The following MAPKAP1 variants were observed in gnomAD, a reference collection of about 807,000 sequenced individuals.
The protein encoded by MAPKAP1 is MAPK associated protein 1.
A neutral mutation model predicts 65.7 loss-of-function variants in MAPKAP1; 20 were observed. The observed-to-expected ratio is 0.30, with a 90% confidence interval of 0.21 to 0.44. MAPKAP1 has a LOEUF of 0.44. Ranked by LOEUF, MAPKAP1 falls within the 20% of genes least tolerant of loss-of-function variation. The pLI is 1.00. For synonymous variants in MAPKAP1, 222 were observed against 244.3 expected, an observed-to-expected ratio of 0.91 and a Z score of 0.85; for missense variants, 423 against 648.0, an observed-to-expected ratio of 0.65 and a Z score of 3.77.
Position 125,619,908 on chromosome 9 carries a change from A to G in MAPKAP1, c.499-34181T>C, listed in dbSNP as rs142774085. On this transcript the variant is annotated intron_variant, in intron 4 of 11. Coordinates refer to ENST00000265960, the MANE Select transcript of MAPKAP1 (RefSeq NM_001006617.3). ...TTTTAAAAAAATCTTAGAAAATAAG[A>G]AAAAGTTCAAGAATCCAACACATCT... Among the ~76,000 whole-genome samples the G allele has an allele frequency of 4.1e-3, 627 of 152,334 alleles. 6 individuals are homozygous for G. The highest frequency in any genetic ancestry group is 0.014 in the African/African-American group (601 of 41,586).
At chr9:125,685,316 C>A (rs961225772) in intron 1 of MAPKAP1, among the ~76,000 whole-genome samples, 4 of 152,206 alleles carry the variant, frequency 2.6e-5, no homozygotes, top group Admixed American at 6.5e-5. Context: ...TAAGTGACAT[C>A]TGACTTAACA....
intron 1 of MAPKAP1, among the ~76,000 whole-genome samples, chr9:125,674,223 CA>C (rs965036979): frequency 6.6e-6 from 1 of 150,432 alleles, no homozygotes; most frequent in Non-Finnish European, 1.5e-5. Context: ...GTAAAATGCT[CA>C]AAAAAATACA....
At chr9:125,626,862 T>C (rs147311154) in intron 4 of MAPKAP1, among the ~76,000 whole-genome samples, 3 of 152,352 alleles carry the variant, frequency 2.0e-5, no homozygotes, top group East Asian at 1.9e-4. Flanking sequence ...CTAACATATA[T>C]AGAAGATTTA....
intron 1 of MAPKAP1, among the ~76,000 whole-genome samples, chr9:125,701,155 G>A (rs1334945547): frequency 6.6e-6 from 1 of 152,116 alleles, no homozygotes; most frequent in Non-Finnish European, 1.5e-5. Flanking sequence ...ATCCCGAAAA[G>A]AAAACCATTC....
At chr9:125,653,147 G>T (rs1269954491) in intron 4 of MAPKAP1, among the ~76,000 whole-genome samples, 1 of 152,202 alleles carries the variant, frequency 6.6e-6, no homozygotes, top group East Asian at 1.9e-4. Flanking sequence ...TTCTTTCACA[G>T]ATCAGGACTG....
chr9:125,526,005 G>T (rs575698453), intron 7 of MAPKAP1, among the ~76,000 whole-genome samples: 8 of 152,214 alleles, frequency 5.3e-5, no homozygotes, highest in Non-Finnish European at 1.2e-4. Context: ...AGACAATGGG[G>T]TGGTACTCCA....
intron 4 of MAPKAP1, among the ~76,000 whole-genome samples, chr9:125,607,264 A>G (rs566397184): frequency 6.6e-6 from 1 of 152,368 alleles, no homozygotes; most frequent in African/African-American, 2.4e-5. Context: ...GGCTGGAGAA[A>G]TAACTGAGAA....
intron 1 of MAPKAP1, among the ~76,000 whole-genome samples, chr9:125,693,562 TATATAC>T (rs1451760799): frequency 6.7e-6 from 1 of 148,290 alleles, no homozygotes; most frequent in African/African-American, 2.5e-5. Flanking sequence ...TACACACACA[TATATAC>T]ATACACACAC....
At chr9:125,462,502 G>A (rs2132978177) in intron 10 of MAPKAP1, among the ~76,000 whole-genome samples, 1 of 152,288 alleles carries the variant, frequency 6.6e-6, no homozygotes, top group African/African-American at 2.4e-5. Context: ...CTCTGAACTG[G>A]GGCTAAGGTG....
intron 11 of MAPKAP1, among the ~76,000 whole-genome samples, chr9:125,442,762 A>G (rs994463360): frequency 1.3e-5 from 2 of 152,182 alleles, no homozygotes; most frequent in Non-Finnish European, 2.9e-5. Context: ...TCATCCAGCT[A>G]ATCATGCTAC....
rs190558689 is a variant in MAPKAP1, at chr9:125,506,381, T to C, written c.995A>G (p.Asn332Ser). 3.2e-5 allele frequency: 51 copies of C among 1,614,050 alleles called. No individual in the cohort carries two copies. Among genetic ancestry groups the C allele is most frequent in the African/African-American group, 9.3e-5 (7 of 75,008 alleles). ...AGTGCTGTCCAGGTCAACGGCGACA[T>C]TGGGCTCGCTCTGCTTCTCCAGGCG... ...QYRLEKQSEP[N>S]VAVDLDSTLE... The change falls in exon 8 of 12, where the codon AAT becomes AGT. Residue 332 changes from asparagine to serine, a missense_variant. Around this residue, in one of 6 missense-constraint regions of MAPKAP1, gnomAD observed 185 missense variants for 268.1 expected, o/e 0.69. Transcript: ENST00000265960.
At chr9:125,704,110 T>C (rs1424696051) in intron 1 of MAPKAP1, among the ~76,000 whole-genome samples, 2 of 152,202 alleles carry the variant, frequency 1.3e-5, no homozygotes, top group Admixed American at 6.5e-5. Flanking sequence ...AGGGCAAGTT[T>C]CTCTCTGAAG....
chr9:125,551,578 T>C (rs981136165), intron 6 of MAPKAP1, among the ~76,000 whole-genome samples: 1 of 152,108 alleles, frequency 6.6e-6, no homozygotes, highest in Non-Finnish European at 1.5e-5. Flanking sequence ...AAAATACATA[T>C]ATATATAGGA....
intron 7 of MAPKAP1, 152 bp downstream of exon 7, chr9:125,542,907 C>CA (rs1195013453): frequency 1.3e-6 from 1 of 768,846 alleles, no homozygotes; most frequent in South Asian, 1.4e-5. Context: ...GGGCAGTGTA[C>CA]AATCACCTTT....
chr9:125,661,565 C>T (rs757259707), intron 3 of MAPKAP1, among the ~76,000 whole-genome samples: 1 of 151,998 alleles, frequency 6.6e-6, no homozygotes, highest in Non-Finnish European at 1.5e-5. Context: ...TTGTACAAAA[C>T]AGTATGTATA....
rs1192591491 is a variant in MAPKAP1, at chr9:125,525,673, C to T, written c.958+17386G>A. On this transcript the variant is annotated intron_variant, in intron 7 of 11. Transcript: ENST00000265960. Reference sequence around the variant, plus strand: ...GGGCAACAAGAGCAAAACTCCATCTCAAACAAAACAAAAAAACAAAAACAA... The same window carrying T: ...GGGCAACAAGAGCAAAACTCCATCTTAAACAAAACAAAAAAACAAAAACAA... 4.5e-5 allele frequency among the ~76,000 whole-genome samples: 6 copies of T among 131,874 alleles called. No homozygotes were observed. The East Asian group carries it at 1.0e-3, about 23-fold the overall frequency. 86.5% of individuals were successfully genotyped at this position (131,874 alleles called of 152,430 possible). A position where few individuals can be genotyped will look rare whatever the true frequency, so the allele number is the denominator to read the frequency against.
At chr9:125,511,094 T>C (rs148553489) in intron 7 of MAPKAP1, among the ~76,000 whole-genome samples, 6 of 152,304 alleles carry the variant, frequency 3.9e-5, no homozygotes, top group African/African-American at 1.4e-4. Context: ...AACGAACTAA[T>C]AGTTGTAAGG....
chr9:125,641,752 C>T (rs959621890), intron 4 of MAPKAP1, among the ~76,000 whole-genome samples: 2 of 152,134 alleles, frequency 1.3e-5, no homozygotes, highest in Admixed American at 1.3e-4. Context: ...TAAAAATAGG[C>T]CAGGCGTGGT....
Position 125,506,388 on chromosome 9 carries a change from C to T in MAPKAP1, c.988G>A (p.Glu330Lys), listed in dbSNP as rs756247676. 4 of 1,614,130 alleles carry T rather than the reference C, an allele frequency of 2.5e-6. No homozygotes were observed. The highest frequency in any genetic ancestry group is 2.2e-5 in the East Asian group (1 of 44,888). The change falls in exon 8 of 12, where the codon GAG becomes AAG. Residue 330 changes from glutamate (E) to lysine (K), a missense_variant. By Grantham distance (56) the Glu-to-Lys change is moderately conservative. Coordinates refer to ENST00000265960, the MANE Select transcript of MAPKAP1 (RefSeq NM_001006617.3). ...TCCAGGTCAACGGCGACATTGGGCT[C>T]GCTCTGCTTCTCCAGGCGGTACTGA... Reference protein sequence around the residue: ...GPQYRLEKQSEPNVAVDLDST... With the variant: ...GPQYRLEKQSKPNVAVDLDST...
Sources: allele counts gnomAD v4.1 joint callset (sites outside exome capture counted in the v4.1 genomes callset), GRCh38; gene constraint gnomAD v4.1.1; regional missense constraint gnomAD v4.1.1; transcripts MANE v1.5; gene names NCBI Gene and HGNC (gene_info 2026-07-23, HGNC 2026-07-21).